The following PCDHA12 variants were observed in gnomAD, a reference collection of about 807,000 sequenced individuals.
PCDHA12 encodes protocadherin alpha 12, also known as protocadherin alpha-12.
A neutral mutation model predicts 60.0 loss-of-function variants in PCDHA12; 44 were observed. The ratio of observed to expected loss-of-function variants is 0.73; its 90% CI spans 0.58 to 0.94. PCDHA12 has a LOEUF of 0.94. PCDHA12 is among the 40% of genes least tolerant of loss of function. The probability of loss-of-function intolerance (pLI) is 0.00; values close to 1 mark genes in which losing one functional copy is unlikely to be tolerated. For synonymous variants in PCDHA12, 569 were observed against 553.0 expected (o/e 1.03, Z -0.40); for missense variants, 1,276 against 1,239.7 (o/e 1.03, Z -0.44).
chr5:140,922,358 A>T (rs1273986507), intron 1 of PCDHA12, among the ~76,000 whole-genome samples: 2 of 152,212 alleles, frequency 1.3e-5, no homozygotes, highest in African/African-American at 4.8e-5. Flanking sequence ...TAGAGTAGTG[A>T]TTCTCACTGA....
At chr5:140,929,231 T>G in intron 1 of PCDHA12, 2 of 1,613,886 alleles carry the variant, frequency 1.2e-6, no homozygotes, top group Non-Finnish European at 1.7e-6. Context: ...GCTGCCGACC[T>G]GCGAAATCTT....
Position 140,876,034 on chromosome 5 carries a change from A to G in PCDHA12, c.562A>G (p.Lys188Glu). The G allele has an allele frequency of 6.2e-7, 1 of 1,613,792 alleles. No homozygotes were observed. Among genetic ancestry groups the G allele is most frequent in the Admixed American group, 1.7e-5 (1 of 59,992 alleles). Reference protein sequence around the residue: ...FELKIKTKKDKSILPELVLRK... With the variant: ...FELKIKTKKDESILPELVLRK... Reference sequence around the variant, plus strand: ...GCTTAAAATAAAAACAAAAAAAGATAAAAGTATATTGCCTGAATTAGTTCT... The same window carrying G: ...GCTTAAAATAAAAACAAAAAAAGATGAAAGTATATTGCCTGAATTAGTTCT... Residue 188 changes from lysine (K) to glutamate (E), a missense_variant, in exon 1 of 4, where the codon AAA becomes GAA. Physicochemically the swap from Lys to Glu is moderately conservative, Grantham distance 56. Transcript: ENST00000398631.
intron 1 of PCDHA12, among the ~76,000 whole-genome samples, chr5:140,918,353 C>T (rs557694814): frequency 4.6e-5 from 7 of 152,236 alleles, no homozygotes; most frequent in African/African-American, 1.7e-4. Context: ...AGGTTGACTT[C>T]CTCTCTGCCT....
intron 1 of PCDHA12, chr5:140,967,561 G>T: frequency 6.2e-7 from 1 of 1,614,076 alleles, no homozygotes; most frequent in Non-Finnish European, 8.5e-7. Flanking sequence ...ATCGCGTCCA[G>T]CTACGGGAGG....
At chr5:140,881,074 A>G (rs1416572917) in intron 1 of PCDHA12, among the ~76,000 whole-genome samples, 1 of 152,200 alleles carries the variant, frequency 6.6e-6, no homozygotes, top group African/African-American at 2.4e-5. Context: ...TAATTATTGG[A>G]GCTATGATAT....
chr5:140,948,602 A>G (rs537329393), intron 1 of PCDHA12, among the ~76,000 whole-genome samples: 2 of 151,590 alleles, frequency 1.3e-5, no homozygotes, highest in Non-Finnish European at 3.0e-5. Context: ...AATTTATCAT[A>G]TTTTTGGCAC....
intron 3 of PCDHA12, among the ~76,000 whole-genome samples, chr5:140,988,308 G>A (rs75602297): frequency 6.6e-6 from 1 of 152,298 alleles, no homozygotes; most frequent in East Asian, 1.9e-4. Flanking sequence ...TGCCAGCTTG[G>A]CTTGGCTTTC....
At chr5:140,944,344 C>T (rs567913669) in intron 1 of PCDHA12, among the ~76,000 whole-genome samples, 5 of 152,238 alleles carry the variant, frequency 3.3e-5, no homozygotes, top group Admixed American at 2.0e-4. Context: ...CGTGCCACCA[C>T]ACCTGGCTAA....
chr5:140,967,490 C>G (rs1554229615), intron 1 of PCDHA12: 2 of 1,613,210 alleles, frequency 1.2e-6, no homozygotes, highest in East Asian at 2.2e-5. Context: ...GGGTACGGCA[C>G]AGATCTCTGT....
At chr5:140,884,046 A>G (rs781965939) in intron 1 of PCDHA12, 6 of 1,613,474 alleles carry the variant, frequency 3.7e-6, no homozygotes, top group Non-Finnish European at 5.1e-6. Flanking sequence ...GTGGTGGCGA[A>G]GGTGCGCGCG....
intron 1 of PCDHA12, chr5:140,929,209 G>C (rs553616030): frequency 1.2e-6 from 2 of 1,613,936 alleles, no homozygotes. Context: ...GCTGTTGCGT[G>C]GGGAGTACAA....
intron 1 of PCDHA12, among the ~76,000 whole-genome samples, chr5:140,950,183 GA>G (rs879992336): frequency 5.9e-5 from 9 of 151,666 alleles, no homozygotes; most frequent in African/African-American, 1.7e-4. Context: ...AATTAAGAAG[GA>G]AAAAAATAGT....
chr5:141,009,705 G>A lies in PCDHA12; in HGVS notation c.2594G>A (p.Gly865Asp), dbSNP rs1554262289. Reference sequence around the variant, plus strand: ...AGCTGGACCTTTAAATACGGACCAGGCAACCCCAAACAATCCGGTCCCGGT... The same window carrying A: ...AGCTGGACCTTTAAATACGGACCAGACAACCCCAAACAATCCGGTCCCGGT... ...SNSWTFKYGPGNPKQSGPGEL... is the reference protein window; with the variant it reads ...SNSWTFKYGPDNPKQSGPGEL... Residue 865 changes from glycine (G) to aspartate (D), a missense_variant, in exon 4 of 4, where the codon GGC (glycine) becomes GAC (aspartate). Physicochemically the swap from Gly to Asp is moderately conservative, Grantham distance 94 (BLOSUM62 -1). Transcript: ENST00000398631. The A allele has an allele frequency of 6.2e-7, 1 of 1,614,106 alleles. No homozygotes were observed. Among genetic ancestry groups the A allele is most frequent in the Non-Finnish European group, 8.5e-7 (1 of 1,180,026 alleles).
At position 140,948,398 on chromosome 5, in the gene PCDHA12, T is replaced by G. The variant is rs147325819; in HGVS notation, c.2368-30551T>G. 6.9e-3 allele frequency among the ~76,000 whole-genome samples: 1,051 copies of G among 151,748 alleles called. 6 individuals carry two copies. The highest frequency in any genetic ancestry group is 0.017 in the Middle Eastern group (5 of 294). Reference sequence around the variant, plus strand: ...CCTTCCTCTATTTTCTGAAAGGTTGTGTAATATTGGTGTTATTTCTTCCTT... The same window carrying G: ...CCTTCCTCTATTTTCTGAAAGGTTGGGTAATATTGGTGTTATTTCTTCCTT... On this transcript the variant is annotated intron_variant, in intron 1 of 3. Transcript: ENST00000398631.
chr5:140,887,291 T>G (rs2153419358), intron 1 of PCDHA12, among the ~76,000 whole-genome samples: 1 of 152,074 alleles, frequency 6.6e-6, no homozygotes, highest in South Asian at 2.1e-4. Flanking sequence ...AGAGATGGGG[T>G]TTCATCTTGT....
intron 2 of PCDHA12, among the ~76,000 whole-genome samples, chr5:140,979,710 A>C (rs1178718053): frequency 1.3e-5 from 2 of 152,268 alleles, no homozygotes; most frequent in African/African-American, 4.8e-5. Flanking sequence ...GAGGTGATCC[A>C]GTATCCATGC....
chr5:140,939,182 C>T (rs2092333864), intron 1 of PCDHA12, among the ~76,000 whole-genome samples: 1 of 152,146 alleles, frequency 6.6e-6, no homozygotes, highest in African/African-American at 2.4e-5. Context: ...GGCCCACTCC[C>T]TGGTTCATAA....
intron 1 of PCDHA12, chr5:140,884,203 C>G (rs554797854): frequency 6.2e-7 from 1 of 1,613,518 alleles, no homozygotes; most frequent in African/African-American, 1.3e-5. Context: ...CGCCGCACCA[C>G]CGCCTTCTGG....
At chr5:140,899,781 T>C (rs1187719719) in intron 1 of PCDHA12, among the ~76,000 whole-genome samples, 1 of 152,218 alleles carries the variant, frequency 6.6e-6, no homozygotes, top group Non-Finnish European at 1.5e-5. Context: ...TTACCTCTGG[T>C]ATAATTCGGC....
Sources: gnomAD v4.1 joint callset for allele counts (sites outside exome capture counted in the v4.1 genomes callset) on GRCh38, gnomAD v4.1.1 for gene constraint, MANE v1.5 for transcripts, NCBI Gene and HGNC (gene_info 2026-07-23, HGNC 2026-07-21) for gene names.